Variants in ZGPAT observed in about 807,000 individuals in gnomAD.
ZGPAT encodes zinc finger CCCH-type with G patch domain-containing protein.
ZGPAT carries 39 observed loss-of-function variants against 47.9 expected under a neutral mutation model. The observed-to-expected ratio is 0.81, with a 90% CI of 0.63 to 1.06. ZGPAT has a LOEUF of 1.06. Among genes scored for constraint, ZGPAT ranks in the 50% least tolerant of loss-of-function variants. The pLI is 0.00. For missense variants in ZGPAT, 717 were observed against 681.4 expected, an observed-to-expected ratio of 1.05 and a Z score of -0.58; for synonymous variants, 348 against 292.9, an observed-to-expected ratio of 1.19 and a Z score of -1.92.
rs191361671 is a variant in ZGPAT at position 63,709,802 on chromosome 20, C to G, written c.584+638C>G. Among the ~76,000 whole-genome samples the G allele has an allele frequency of 3.2e-3, 491 of 152,048 alleles. 3 individuals carry two copies. The highest frequency in any genetic ancestry group is 0.011 in the African/African-American group (473 of 41,468). On this transcript the variant is annotated intron_variant, in intron 2 of 6. Transcript: ENST00000355969. ...CAACCGATCCTCCTGCCTCAGCCCC[C>G]CTAGGAGCTGGGCTACAGACTCACG...
rs1360034196 is a variant in ZGPAT, at chr20:63,708,638, G to C, written c.58G>C (p.Val20Leu). 1.2e-6 allele frequency: 2 copies of C among 1,612,186 alleles called. No individual in the cohort carries two copies. The highest frequency in any genetic ancestry group is 1.7e-6 in the Non-Finnish European group (2 of 1,179,506). Residue 20 changes from valine to leucine, a missense_variant, in exon 2 of 7, where the codon GTG becomes CTG. Physicochemically the swap from Val to Leu is conservative, Grantham distance 32. Transcript: ENST00000355969. ...LQTYRAQLQQ[V>L]ELALGAGLDS... The stretch of plus-strand genomic sequence containing the variant: ...GACCTACCGTGCGCAGCTGCAGCAG[G>C]TGGAGCTGGCCTTGGGCGCCGGCCT...
At chr20:63,724,503 G>A (rs190004048) in intron 2 of ZGPAT, among the ~76,000 whole-genome samples, 7 of 151,970 alleles carry the variant, frequency 4.6e-5, no homozygotes, top group South Asian at 2.1e-4. Flanking sequence ...GCAACATAGC[G>A]AGACTCCATC....
intron 2 of ZGPAT, among the ~76,000 whole-genome samples, chr20:63,709,508 G>A (rs372774637): frequency 6.6e-5 from 10 of 152,196 alleles, no homozygotes; most frequent in East Asian, 5.8e-4. Flanking sequence ...GTGGTGGCGC[G>A]CACCTGTGGT....
intron 5 of ZGPAT, 72 bp downstream of exon 5, chr20:63,734,896 C>T: frequency 6.7e-7 from 1 of 1,489,086 alleles, no homozygotes; most frequent in Non-Finnish European, 8.9e-7. Context: ...CCATCAGGTT[C>T]CCGGGGTCCC....
In ZGPAT at chr20:63,729,793, G is replaced by A. The variant is rs150760019; in HGVS notation, c.585-3426G>A. Among the ~76,000 whole-genome samples the A allele has an allele frequency of 9.3e-3, 1,422 of 152,196 alleles. 14 individuals carry two copies. Among genetic ancestry groups the A allele is most frequent in the Middle Eastern group, 0.024 (7 of 294 alleles). ...CCTTAAAAATCATGTCACTGAGGCGGAAGGATTACATGAGCCCAGGAGTTC... is the reference window on the plus strand; with the variant it reads ...CCTTAAAAATCATGTCACTGAGGCGAAAGGATTACATGAGCCCAGGAGTTC... On this transcript the variant is annotated intron_variant, in intron 2 of 6. Coordinates refer to ENST00000355969, the MANE Select transcript of ZGPAT (RefSeq NM_181485.3).
chr20:63,720,317 G>A (rs796282298), intron 2 of ZGPAT, among the ~76,000 whole-genome samples: 9 of 152,004 alleles, frequency 5.9e-5, no homozygotes, highest in African/African-American at 2.2e-4. Flanking sequence ...CACCACTCCT[G>A]GCTAATTTTT....
At chr20:63,729,798 A>T (rs1037143773) in intron 2 of ZGPAT, among the ~76,000 whole-genome samples, 1 of 152,110 alleles carries the variant, frequency 6.6e-6, no homozygotes, top group Non-Finnish European at 1.5e-5. Flanking sequence ...AGGCGGAAGG[A>T]TTACATGAGC....
Position 63,715,519 on chromosome 20 carries a change from G to C in ZGPAT, c.584+6355G>C, listed in dbSNP as rs2257437. 3.4e-3 allele frequency among the ~76,000 whole-genome samples: 519 copies of C among 152,078 alleles called. 3 individuals are homozygous for C. Among genetic ancestry groups the C allele is most frequent in the African/African-American group, 0.012 (485 of 41,512 alleles). On this transcript the variant is annotated intron_variant, in intron 2 of 6. Coordinates refer to ENST00000355969, the MANE Select transcript of ZGPAT (RefSeq NM_181485.3). ...CTCCCGAAGTGCTGGGATTACAGGC[G>C]TGAGCCACCGCAGCGAGCCTTATCT...
chr20:63,732,844 ATG>A lies in ZGPAT; in HGVS notation c.585-367_585-366del, dbSNP rs569355039. On this transcript the variant is annotated intron_variant, in intron 2 of 6. Transcript: ENST00000355969. ...TACTTGTGTGTGCCTGTGTGAGTGC[ATG>A]TGTGTGTACATGTGTATATGCGCGT... Among the ~76,000 whole-genome samples, 565 of 151,478 alleles carry A rather than the reference ATG, an allele frequency of 3.7e-3. 5 individuals carry two copies. The highest frequency in any genetic ancestry group is 8.6e-3 in the South Asian group (41 of 4,794).
intron 2 of ZGPAT, among the ~76,000 whole-genome samples, chr20:63,716,003 C>T (rs1400935416): frequency 6.6e-6 from 1 of 152,078 alleles, no homozygotes; most frequent in Non-Finnish European, 1.5e-5. Flanking sequence ...ACTACTGATT[C>T]TTTATTTGTT....
intron 2 of ZGPAT, among the ~76,000 whole-genome samples, chr20:63,716,351 G>T (rs2091728581): frequency 6.6e-6 from 1 of 152,044 alleles, no homozygotes; most frequent in African/African-American, 2.4e-5. Flanking sequence ...TAGATAGTTT[G>T]CATGCATGTT....
chr20:63,724,355 ACT>A (rs1204166410), intron 2 of ZGPAT, among the ~76,000 whole-genome samples: 9 of 118,810 alleles, frequency 7.6e-5, no homozygotes, highest in African/African-American at 2.5e-4. Flanking sequence ...ACAGAGCGAG[ACT>A]CTGCCTAAAA....
chr20:63,732,561 C>G (rs1286365398), intron 2 of ZGPAT, among the ~76,000 whole-genome samples: 3 of 151,946 alleles, frequency 2.0e-5, no homozygotes, highest in African/African-American at 7.3e-5. Context: ...ATGACTGCAT[C>G]TGTATTTGCA....
chr20:63,718,711 C>T (rs2091757200), intron 2 of ZGPAT, among the ~76,000 whole-genome samples: 1 of 152,044 alleles, frequency 6.6e-6, no homozygotes, highest in African/African-American at 2.4e-5. Context: ...CCTCCTCGGC[C>T]TCCCAAGGTG....
At chr20:63,709,301 C>T (rs1601311380) in intron 2 of ZGPAT, 137 bp downstream of exon 2, 4 of 950,030 alleles carry the variant, frequency 4.2e-6, no homozygotes, top group Admixed American at 4.1e-5. Flanking sequence ...ACAGCTGTGT[C>T]TGTGTTCAGG....
At chr20:63,735,623 T>C (rs1601355602) in intron 6 of ZGPAT, 59 bp downstream of exon 6, 1 of 1,496,834 alleles carries the variant, frequency 6.7e-7, no homozygotes, top group East Asian at 2.3e-5. Context: ...GCCCCCGGGA[T>C]ACATGCTGGA....
At chr20:63,707,891 C>G (rs1176103330), upstream of ZGPAT, 2 of 152,966 alleles carry the variant, frequency 1.3e-5, no homozygotes, top group East Asian at 3.9e-4. Context: ...CCCTCGGAGC[C>G]GCTGCTGCTG....
At position 63,726,641 on chromosome 20, in the gene ZGPAT, G is replaced by A. The variant is rs559342485; in HGVS notation, c.585-6578G>A. On this transcript the variant is annotated intron_variant, in intron 2 of 6. Transcript: ENST00000355969. The stretch of plus-strand genomic sequence containing the variant: ...AGGCTCAAGCGATTCTTATGCCTCA[G>A]CCTCCCCAGTAGCTGGGACTGCAGG... 2.0e-5 allele frequency among the ~76,000 whole-genome samples: 3 copies of A among 151,838 alleles called. No individual in the cohort carries two copies. The East Asian group carries it at 5.8e-4, about 29-fold the overall frequency.
intron 2 of ZGPAT, among the ~76,000 whole-genome samples, chr20:63,715,725 T>A (rs368482893): frequency 6.6e-6 from 1 of 152,144 alleles, no homozygotes; most frequent in East Asian, 1.9e-4. Flanking sequence ...ATAGAATGAG[T>A]TAGGAAGTAT....
Sources: allele counts gnomAD v4.1 joint callset (sites outside exome capture counted in the v4.1 genomes callset), GRCh38; gene constraint gnomAD v4.1.1; transcripts MANE v1.5; gene names NCBI Gene and HGNC (gene_info 2026-07-23, HGNC 2026-07-21).